The following SND1 variants were observed in gnomAD, a reference collection of about 807,000 sequenced individuals.
The protein encoded by SND1 is staphylococcal nuclease domain-containing protein 1.
SND1 carries 38 observed loss-of-function variants against 121.7 expected under a neutral mutation model. The observed-to-expected ratio is 0.31, with a 90% CI of 0.24 to 0.41. The LOEUF is 0.41. SND1 is among the 10% of genes least tolerant of loss of function. The pLI, the probability that SND1 is intolerant of heterozygous loss-of-function variation, is 1.00. For synonymous variants in SND1, 401 were observed against 447.4 expected (o/e 0.90, Z 1.31); for missense variants, 868 against 1,184.6 (o/e 0.73, Z 3.92).
At chr7:127,836,997 G>A (rs1029204294) in intron 11 of SND1, among the ~76,000 whole-genome samples, 3 of 152,140 alleles carry the variant, frequency 2.0e-5, no homozygotes, top group Non-Finnish European at 4.4e-5. Context: ...AACTAAAAAT[G>A]TATGTGGCTT....
chr7:128,066,302 C>T (rs1793313413), intron 16 of SND1, among the ~76,000 whole-genome samples: 2 of 152,272 alleles, frequency 1.3e-5, no homozygotes, highest in South Asian at 4.1e-4. Context: ...TCAGGAGCCT[C>T]TTGGCCCCTC....
intron 11 of SND1, among the ~76,000 whole-genome samples, chr7:127,828,565 T>C (rs894001317): frequency 6.6e-6 from 1 of 152,210 alleles, no homozygotes; most frequent in African/African-American, 2.4e-5. Flanking sequence ...TGTATCATGA[T>C]GCTTCTTTTA....
chr7:127,797,914 C>T (rs1798055316), intron 10 of SND1, among the ~76,000 whole-genome samples: 1 of 152,220 alleles, frequency 6.6e-6, no homozygotes, highest in Non-Finnish European at 1.5e-5. Context: ...TTGGCTCCTG[C>T]TATTTCCTCC....
chr7:127,993,664 C>T (rs1052009896), intron 16 of SND1, among the ~76,000 whole-genome samples: 4 of 152,230 alleles, frequency 2.6e-5, no homozygotes, highest in Admixed American at 6.5e-5. Flanking sequence ...ATTTTGAAGA[C>T]GTGATTGTCC....
intron 15 of SND1, among the ~76,000 whole-genome samples, chr7:127,963,486 G>A: frequency 7.9e-6 from 1 of 126,680 alleles, no homozygotes; most frequent in African/African-American, 3.1e-5. Context: ...TCCCACCTAT[G>A]AGTGAGAATA....
chr7:128,054,535 GGT>G (rs1352466709), intron 16 of SND1, among the ~76,000 whole-genome samples: 2 of 152,194 alleles, frequency 1.3e-5, no homozygotes, highest in Admixed American at 6.5e-5. Flanking sequence ...CTTGCACGGA[GGT>G]TGGCATTAGC....
At chr7:127,652,810 T>TTA (rs1795145630) in intron 1 of SND1, among the ~76,000 whole-genome samples, 1 of 152,196 alleles carries the variant, frequency 6.6e-6, no homozygotes, top group Non-Finnish European at 1.5e-5. Flanking sequence ...TGCTGAGTAG[T>TTA]TAGTAGTTTT....
chr7:127,832,018 A>G (rs1365201147), intron 11 of SND1, among the ~76,000 whole-genome samples: 3 of 152,112 alleles, frequency 2.0e-5, no homozygotes, highest in South Asian at 2.1e-4. Flanking sequence ...ACCATTGTTC[A>G]TTTGCCTTTC....
chr7:128,024,578 A>T (rs548538354), intron 16 of SND1, among the ~76,000 whole-genome samples: 4 of 152,284 alleles, frequency 2.6e-5, no homozygotes, highest in African/African-American at 9.6e-5. Flanking sequence ...TTCTCAGACA[A>T]CAATAGGAAT....
intron 13 of SND1, among the ~76,000 whole-genome samples, chr7:127,889,388 A>G (rs1220628006): frequency 6.6e-6 from 1 of 151,428 alleles, no homozygotes; most frequent in African/African-American, 2.4e-5. Flanking sequence ...ACTTTTTGTG[A>G]GTATATAACA....
At chr7:128,018,400 G>T (rs780101424) in intron 16 of SND1, among the ~76,000 whole-genome samples, 2 of 152,212 alleles carry the variant, frequency 1.3e-5, no homozygotes, top group Non-Finnish European at 2.9e-5. Flanking sequence ...ACACACAGAT[G>T]GGTTTGCATG....
intron 12 of SND1, among the ~76,000 whole-genome samples, chr7:127,882,878 A>G (rs1443427008): frequency 6.6e-6 from 1 of 152,172 alleles, no homozygotes; most frequent in Non-Finnish European, 1.5e-5. Flanking sequence ...CCAATTACAC[A>G]TGTCTGGCCT....
intron 14 of SND1, among the ~76,000 whole-genome samples, chr7:127,905,061 C>G (rs917966361): frequency 3.3e-5 from 5 of 152,134 alleles, no homozygotes; most frequent in African/African-American, 1.2e-4. Context: ...GTTGCTTTTT[C>G]ATTTTTAATT....
chr7:127,951,524 G>A (rs187102008), intron 15 of SND1, among the ~76,000 whole-genome samples: 1 of 152,302 alleles, frequency 6.6e-6, no homozygotes, highest in East Asian at 1.9e-4. Flanking sequence ...CCTATTGTAA[G>A]AGTACTTTAT....
intron 9 of SND1, 113 bp from the exon 10 acceptor site, chr7:127,721,174 C>A: frequency 1.6e-6 from 1 of 614,552 alleles, no homozygotes. Context: ...TACTGTTTTT[C>A]CCACAAATGG....
At chr7:128,030,756 G>T (rs1187419932) in intron 16 of SND1, 14 of 1,310,834 alleles carry the variant, frequency 1.1e-5, no homozygotes, top group East Asian at 4.9e-5. Context: ...GAAGGAGGTG[G>T]GGAGGGGGCG....
intron 16 of SND1, chr7:127,998,492 G>T: frequency 6.5e-6 from 1 of 154,962 alleles, no homozygotes; most frequent in Admixed American, 6.3e-5. Flanking sequence ...CTCCCTCTCT[G>T]GTATGTTTCT....
chr7:127,795,733 A>G (rs1472960164), intron 10 of SND1, among the ~76,000 whole-genome samples: 6 of 152,230 alleles, frequency 3.9e-5, no homozygotes, highest in Admixed American at 1.3e-4. Flanking sequence ...TTTCTCTAAC[A>G]TTAGACGCAG....
chr7:127,711,488 G>A (rs1796296083), intron 9 of SND1, among the ~76,000 whole-genome samples: 1 of 152,014 alleles, frequency 6.6e-6, no homozygotes, highest in Non-Finnish European at 1.5e-5. Context: ...AAACCATCCT[G>A]ATTTCTTATC....
Sources: allele counts gnomAD v4.1 joint callset (sites outside exome capture counted in the v4.1 genomes callset), GRCh38; gene constraint gnomAD v4.1.1; transcripts MANE v1.5; gene names NCBI Gene and HGNC (gene_info 2026-07-23, HGNC 2026-07-21).